The following CNTNAP2 variants were observed in gnomAD, a reference collection of about 807,000 sequenced individuals.
CNTNAP2 encodes the protein contactin associated protein 2, also known as contactin-associated protein-like 2.
CNTNAP2 carries 98 observed loss-of-function variants against 155.2 expected under a neutral mutation model. The observed-to-expected ratio is 0.63, with a 90% CI of 0.54 to 0.75. The LOEUF is 0.75. CNTNAP2 is among the 30% of genes least tolerant of loss of function. CNTNAP2 has a pLI of 0.00. For synonymous variants in CNTNAP2, 651 were observed against 631.2 expected (o/e 1.03, Z -0.47); for missense variants, 1,727 against 1,688.1 (o/e 1.02, Z -0.40).
chr7:147,036,942 T>C (rs978061900), intron 3 of CNTNAP2, among the ~76,000 whole-genome samples: 4 of 152,158 alleles, frequency 2.6e-5, no homozygotes, highest in Non-Finnish European at 5.9e-5. Flanking sequence ...AGACCTATGA[T>C]AGTTTATTCT....
At chr7:146,645,880 G>A (rs1585022754) in intron 1 of CNTNAP2, among the ~76,000 whole-genome samples, 1 of 152,136 alleles carries the variant, frequency 6.6e-6, no homozygotes, top group East Asian at 1.9e-4. Context: ...GTCTTCAATA[G>A]TGTTGGTAAT....
intron 3 of CNTNAP2, among the ~76,000 whole-genome samples, chr7:146,894,211 C>A (rs957412794): frequency 2.6e-5 from 4 of 152,304 alleles, no homozygotes; most frequent in African/African-American, 9.6e-5. Flanking sequence ...ACAATATATT[C>A]TCTGTCTCCT....
chr7:146,855,807 G>GTATATATA (rs367900395), intron 3 of CNTNAP2, among the ~76,000 whole-genome samples: 19 of 111,070 alleles, frequency 1.7e-4, no homozygotes, highest in East Asian at 3.1e-4. Flanking sequence ...GTGTTAATGA[G>GTATATATA]TATATATATA....
chr7:147,290,483 C>T (rs541244592), intron 8 of CNTNAP2, among the ~76,000 whole-genome samples: 1 of 151,942 alleles, frequency 6.6e-6, no homozygotes, highest in Admixed American at 6.6e-5. Flanking sequence ...GAGTTCAAGA[C>T]CAGCCTGGGC....
chr7:146,424,183 C>T (rs1360708851), intron 1 of CNTNAP2, among the ~76,000 whole-genome samples: 2 of 152,136 alleles, frequency 1.3e-5, no homozygotes, highest in African/African-American at 4.8e-5. Context: ...TCATCTGCCT[C>T]GAATTCTCAA....
chr7:147,619,056 G>A (rs1690388792), intron 12 of CNTNAP2, among the ~76,000 whole-genome samples: 1 of 152,044 alleles, frequency 6.6e-6, no homozygotes. Context: ...CATTAAATCA[G>A]CAGTATTTAC....
At position 147,848,977 on chromosome 7, in the gene CNTNAP2, C is replaced by T. The variant is rs528266999; in HGVS notation, c.2099-54588C>T. ...TCCATATTAGAGATTCTGTAACTCA[C>T]ATCACTTATGCCAGGCTCCAGCTAC... On this transcript the variant is annotated intron_variant, in intron 13 of 23. Transcript: ENST00000361727. Among the ~76,000 whole-genome samples the T allele has an allele frequency of 2.6e-5, 4 of 152,138 alleles. No homozygotes were observed. The East Asian group carries it at 5.8e-4, about 22-fold the overall frequency.
intron 1 of CNTNAP2, among the ~76,000 whole-genome samples, chr7:146,214,727 T>C (rs1799087811): frequency 6.6e-6 from 1 of 152,218 alleles, no homozygotes; most frequent in Non-Finnish European, 1.5e-5. Flanking sequence ...TGGATTGTTG[T>C]AAAGTTCAGA....
chr7:148,370,320 G>A (rs1798864051), intron 21 of CNTNAP2, among the ~76,000 whole-genome samples: 1 of 152,126 alleles, frequency 6.6e-6, no homozygotes, highest in South Asian at 2.1e-4. Context: ...CCCAGATAGG[G>A]AGCTCTGGTC....
intron 13 of CNTNAP2, among the ~76,000 whole-genome samples, chr7:147,715,096 G>A (rs927204951): frequency 6.6e-6 from 1 of 152,050 alleles, no homozygotes; most frequent in Non-Finnish European, 1.5e-5. Flanking sequence ...GAAGATTTGA[G>A]TAGTTTATGT....
intron 1 of CNTNAP2, among the ~76,000 whole-genome samples, chr7:146,190,012 C>A (rs1260041971): frequency 6.6e-6 from 1 of 152,026 alleles, no homozygotes; most frequent in Admixed American, 6.6e-5. Context: ...GATTTTGTGG[C>A]TAATCTTCTG....
chr7:146,894,559 T>C (rs1051788137), intron 3 of CNTNAP2, among the ~76,000 whole-genome samples: 4 of 152,148 alleles, frequency 2.6e-5, no homozygotes, highest in Admixed American at 6.6e-5. Flanking sequence ...GCCCCTGTGG[T>C]TCGCCATGAA....
At chr7:148,036,485 T>G (rs1388415097) in intron 15 of CNTNAP2, among the ~76,000 whole-genome samples, 1 of 152,090 alleles carries the variant, frequency 6.6e-6, no homozygotes, top group African/African-American at 2.4e-5. Flanking sequence ...TTGGCCTCTC[T>G]TGCTCTCTCT....
chr7:146,596,039 A>T (rs145737529), intron 1 of CNTNAP2, among the ~76,000 whole-genome samples: 2,929 of 152,156 alleles, frequency 0.019, 114 homozygotes, highest in African/African-American at 0.066. Flanking sequence ...AGATGATTAG[A>T]AGCTGTGGAT....
chr7:146,256,624 T>G (rs1799841958), intron 1 of CNTNAP2, among the ~76,000 whole-genome samples: 1 of 151,758 alleles, frequency 6.6e-6, no homozygotes, highest in Non-Finnish European at 1.5e-5. Flanking sequence ...ATCAATAAAA[T>G]GCCAATTAAA....
chr7:146,314,948 A>T (rs750170005), intron 1 of CNTNAP2, among the ~76,000 whole-genome samples: 52 of 152,182 alleles, frequency 3.4e-4, no homozygotes, highest in Non-Finnish European at 3.4e-4. Flanking sequence ...AAGGCACAGG[A>T]GTGCTGTCCC....
intron 1 of CNTNAP2, among the ~76,000 whole-genome samples, chr7:146,342,091 G>A (rs1794739619): frequency 6.6e-6 from 1 of 152,034 alleles, no homozygotes; most frequent in Non-Finnish European, 1.5e-5. Context: ...TGGTCACGGA[G>A]GTTGAGTCAG....
intron 3 of CNTNAP2, among the ~76,000 whole-genome samples, chr7:146,894,715 T>C (rs573922602): frequency 6.6e-6 from 1 of 152,170 alleles, no homozygotes; most frequent in Admixed American, 6.6e-5. Flanking sequence ...TGTTCTTTAA[T>C]ATTTAATTTA....
chr7:146,530,423 A>G (rs546389135), intron 1 of CNTNAP2, among the ~76,000 whole-genome samples: 3 of 152,300 alleles, frequency 2.0e-5, no homozygotes, highest in Admixed American at 2.0e-4. Flanking sequence ...GGGAAAAAAA[A>G]AGAGCAAAGT....
Sources: gnomAD v4.1 joint callset for allele counts (sites outside exome capture counted in the v4.1 genomes callset) on GRCh38, gnomAD v4.1.1 for gene constraint, MANE v1.5 for transcripts, NCBI Gene and HGNC (gene_info 2026-07-23, HGNC 2026-07-21) for gene names.